SFI1: variants seen among roughly 807,000 people sequenced by gnomAD.
SFI1 encodes SFI1 centrin binding protein.
SFI1 carries 195 observed loss-of-function variants against 207.5 expected under a neutral mutation model. The observed-to-expected ratio is 0.94, with a 90% CI of 0.84 to 1.06. The LOEUF (loss-of-function observed/expected upper bound fraction) is 1.06, where lower values mean the gene tolerates loss of function less well. Ranked by LOEUF, SFI1 falls within the 50% of genes least tolerant of loss-of-function variation. SFI1 has a pLI of 0.00. For missense variants in SFI1, 1,634 were observed against 1,588.0 expected (o/e 1.03, Z -0.49); for synonymous variants, 630 against 598.9 (o/e 1.05, Z -0.76).
chr22:31,516,858 G>A (rs546117612), intron 2 of SFI1, among the ~76,000 whole-genome samples: 7 of 152,118 alleles, frequency 4.6e-5, no homozygotes, highest in Non-Finnish European at 8.8e-5. Context: ...GGAGGCTGAG[G>A]TGAGAGAATC....
intron 2 of SFI1, among the ~76,000 whole-genome samples, chr22:31,519,436 A>G (rs79975752): frequency 6.8e-6 from 1 of 147,784 alleles, no homozygotes; most frequent in African/African-American, 2.5e-5. Flanking sequence ...ACATCTGGCT[A>G]ATTTTTTTTT....
chr22:31,611,210 G>A lies in SFI1; in HGVS notation c.2322G>A (p.Gln774=), dbSNP rs2070062236. The A allele has an allele frequency of 4.3e-6, 7 of 1,613,944 alleles. No individual in the cohort carries two copies. The Admixed American group carries it at 5.0e-5, about 12-fold the overall frequency. The change falls in exon 23 of 33, where the codon CAG becomes CAA. Residue 774 remains glutamine (Q), a synonymous_variant. Coordinates refer to ENST00000400288, the MANE Select transcript of SFI1 (RefSeq NM_001007467.3). ...GGAGGTCAGCCCAGCAGAGACTGCAGCTGGAGAGGGCAGTGCAACACCACC... is the reference window on the plus strand; with the variant it reads ...GGAGGTCAGCCCAGCAGAGACTGCAACTGGAGAGGGCAGTGCAACACCACC... ...CSRRSAQQRL[Q]LERAVQHHHR...
chr22:31,608,046 C>G lies in SFI1; in HGVS notation c.2254+13C>G, dbSNP rs776030804. ...GTGCTGGACAGGGGTAAGTGGGGCCCCAGAAGCAAGTCATGTTGAGGAATG... is the reference window on the plus strand; with the variant it reads ...GTGCTGGACAGGGGTAAGTGGGGCCGCAGAAGCAAGTCATGTTGAGGAATG... On this transcript the variant is annotated intron_variant, in intron 22 of 32. Coordinates refer to ENST00000400288, the MANE Select transcript of SFI1 (RefSeq NM_001007467.3). The G allele has an allele frequency of 4.3e-6, 7 of 1,610,766 alleles. No individual in the cohort carries two copies. The South Asian group carries it at 5.5e-5, about 13-fold the overall frequency.
chr22:31,569,727 A>G (rs2062754122), intron 8 of SFI1, among the ~76,000 whole-genome samples: 1 of 152,086 alleles, frequency 6.6e-6, no homozygotes, highest in African/African-American at 2.4e-5. Context: ...GCGGGGGGAC[A>G]GCTTGAGCCC....
At chr22:31,591,366 C>T (rs892174747) in intron 15 of SFI1, among the ~76,000 whole-genome samples, 6 of 152,188 alleles carry the variant, frequency 3.9e-5, no homozygotes, top group African/African-American at 9.7e-5. Flanking sequence ...CATGTCTACT[C>T]CCTTCCACAC....
Position 31,528,859 on chromosome 22 carries a change from A to G in SFI1, c.262A>G (p.Ile88Val), listed in dbSNP as rs756966600. ...TRQGRLRELR[I>V]RCVARKFLYL... is the part of the protein sequence containing the mutation. ...ACAGGGCCGGTTAAGAGAACTGCGC[A>G]TCAGGTGAGCTTATGAGTGGCCACC... Residue 88 changes from isoleucine to valine, a missense_variant, in exon 3 of 33, where the codon ATC becomes GTC. Transcript: ENST00000400288. The G allele has an allele frequency of 1.2e-6, 2 of 1,612,908 alleles. No individual in the cohort carries two copies. Among genetic ancestry groups the G allele is most frequent in the South Asian group, 2.2e-5 (2 of 91,016 alleles).
chr22:31,569,947 CAAAAAAA>C (rs71202099), intron 8 of SFI1, among the ~76,000 whole-genome samples: 6 of 131,300 alleles, frequency 4.6e-5, no homozygotes, highest in Admixed American at 7.9e-5. Flanking sequence ...GAACCTATCT[CAAAAAAA>C]AAAAAAAAAA....
chr22:31,520,868 G>A (rs2057144952), intron 2 of SFI1, among the ~76,000 whole-genome samples: 2 of 151,052 alleles, frequency 1.3e-5, no homozygotes, highest in Admixed American at 1.3e-4. Flanking sequence ...GCCAGGTGTG[G>A]TAGTGCTTGC....
chr22:31,586,307 G>A (rs573228492), intron 14 of SFI1, among the ~76,000 whole-genome samples: 1 of 152,252 alleles, frequency 6.6e-6, no homozygotes, highest in South Asian at 2.1e-4. Context: ...TCTTATAGTT[G>A]TTCACTGGCT....
At chr22:31,549,288 T>TA (rs59382278) in intron 5 of SFI1, among the ~76,000 whole-genome samples, 2,733 of 37,172 alleles carry the variant, frequency 0.074, 499 homozygotes, top group Middle Eastern at 0.11. Flanking sequence ...AGACCCTGTG[T>TA]AAAAAAAAAA....
chr22:31,591,212 A>G (rs1489349160), intron 15 of SFI1, among the ~76,000 whole-genome samples: 4 of 152,178 alleles, frequency 2.6e-5, no homozygotes, highest in Admixed American at 6.5e-5. Flanking sequence ...AACAAAGCAC[A>G]TCTTGCACCG....
intron 2 of SFI1, among the ~76,000 whole-genome samples, chr22:31,524,440 T>C (rs947156543): frequency 2.0e-5 from 3 of 152,086 alleles, no homozygotes; most frequent in Admixed American, 2.0e-4. Flanking sequence ...TTTTTTTTTT[T>C]GAGACAGGGT....
At chr22:31,512,370 A>AG (rs1281663973) in intron 2 of SFI1, among the ~76,000 whole-genome samples, 1 of 151,956 alleles carries the variant, frequency 6.6e-6, no homozygotes, top group African/African-American at 2.4e-5. Context: ...AAAAAAAAAA[A>AG]ATTACATGGT....
chr22:31,601,387 T>C (rs2068078258), intron 15 of SFI1, among the ~76,000 whole-genome samples: 1 of 152,136 alleles, frequency 6.6e-6, no homozygotes, highest in African/African-American at 2.4e-5. Context: ...CCTCCCAAAG[T>C]GCTGGGATTA....
At chr22:31,526,144 A>G (rs1002391600) in intron 2 of SFI1, among the ~76,000 whole-genome samples, 1 of 152,226 alleles carries the variant, frequency 6.6e-6, no homozygotes, top group African/African-American at 2.4e-5. Context: ...ATAATCTTAT[A>G]GAAGCAAAGC....
intron 8 of SFI1, 87 bp downstream of exon 8, chr22:31,561,479 C>A: frequency 2.7e-6 from 3 of 1,128,208 alleles, no homozygotes; most frequent in South Asian, 1.5e-5. Context: ...GCCTTCCCTG[C>A]AGCTCAGGGC....
chr22:31,610,436 A>C (rs2069887496), intron 22 of SFI1, among the ~76,000 whole-genome samples: 1 of 152,174 alleles, frequency 6.6e-6, no homozygotes, highest in African/African-American at 2.4e-5. Context: ...GGTGCCTCCC[A>C]CTTGTGATCT....
chr22:31,509,378 G>A (rs955815344), intron 2 of SFI1, among the ~76,000 whole-genome samples: 1 of 152,208 alleles, frequency 6.6e-6, no homozygotes, highest in South Asian at 2.1e-4. Flanking sequence ...TTCAATCTGT[G>A]GCCAAAGGCT....
rs758966753 is a variant in SFI1 at position 31,561,395 on chromosome 22, G to A, written c.765+3G>A. On this transcript the variant is annotated splice_donor_region_variant and intron_variant, in intron 8 of 32. Transcript: ENST00000400288. ...GGGCCCTGAGCCTCCAGGTGCAGGT[G>A]AGTCCAGCAGACGTGGGATTTGGCA... The A allele has an allele frequency of 1.5e-5, 24 of 1,611,802 alleles. No homozygotes were observed. Among genetic ancestry groups the A allele is most frequent in the Non-Finnish European group, 2.0e-5 (23 of 1,179,024 alleles).
Sources: allele counts gnomAD v4.1 joint callset (sites outside exome capture counted in the v4.1 genomes callset), GRCh38; gene constraint gnomAD v4.1.1; transcripts MANE v1.5; gene names NCBI Gene and HGNC (gene_info 2026-07-23, HGNC 2026-07-21).